Variants in WASHC3 observed in about 807,000 individuals in gnomAD.
WASHC3 encodes the protein WASH complex subunit 3, also known as WASH complex subunit CCDC53.
Under a neutral mutation model 26.1 loss-of-function variants are expected in WASHC3, and 24 were observed. The observed-to-expected ratio is 0.92, with a 90% CI of 0.66 to 1.29. The LOEUF is 1.29. Among genes scored for constraint, WASHC3 ranks in the 50% most tolerant of loss-of-function variants. WASHC3 has a pLI of 0.00. For missense variants in WASHC3, 214 were observed against 229.6 expected (o/e 0.93, Z 0.44); for synonymous variants, 77 against 75.7 (o/e 1.02, Z -0.09).
chr12:102,030,199 G>A (rs1452364729), intron 5 of WASHC3, among the ~76,000 whole-genome samples: 1 of 151,358 alleles, frequency 6.6e-6, no homozygotes, highest in Non-Finnish European at 1.5e-5. Flanking sequence ...GGAGGCTGAG[G>A]TAGGAGAATC....
At chr12:102,038,224 C>T (rs893327157) in intron 5 of WASHC3, among the ~76,000 whole-genome samples, 5 of 152,168 alleles carry the variant, frequency 3.3e-5, no homozygotes, top group East Asian at 1.9e-4. Context: ...CTAGATAATA[C>T]CTAATACAGT....
At chr12:102,033,320 A>G (rs1375179241) in intron 5 of WASHC3, among the ~76,000 whole-genome samples, 1 of 152,202 alleles carries the variant, frequency 6.6e-6, no homozygotes, top group Non-Finnish European at 1.5e-5. Flanking sequence ...TCTATGCTAC[A>G]GAAGAAGCTG....
chr12:102,039,981 G>A lies in WASHC3; in HGVS notation c.325-3C>T. On this transcript the variant is annotated splice_region_variant and splice_polypyrimidine_tract_variant and intron_variant, in intron 4 of 6. Transcript: ENST00000240079. The stretch of plus-strand genomic sequence containing the variant: ...CCAGAGTCTTGTGTACTGTTCTGCT[G>A]TAGAGAGTATTTGGTGTAAATCTTT... 7.0e-7 allele frequency: 1 copy of A among 1,418,758 alleles called. No homozygotes were observed. The highest frequency in any genetic ancestry group is 9.9e-7 in the Non-Finnish European group (1 of 1,011,540). 87.9% of individuals were successfully genotyped at this position (1,418,758 alleles called of 1,614,324 possible).
intron 3 of WASHC3, among the ~76,000 whole-genome samples, chr12:102,044,809 C>T (rs1878090040): frequency 6.6e-6 from 1 of 152,070 alleles, no homozygotes; most frequent in African/African-American, 2.4e-5. Context: ...GTTGGTATTT[C>T]AACCTGAAAT....
chr12:102,051,895 A>G (rs1878407363), intron 2 of WASHC3, among the ~76,000 whole-genome samples: 1 of 152,218 alleles, frequency 6.6e-6, no homozygotes, highest in African/African-American at 2.4e-5. Context: ...CACAATAAAT[A>G]TTAGTTGTTA....
At chr12:102,049,114 G>A (rs1852263587) in intron 2 of WASHC3, among the ~76,000 whole-genome samples, 1 of 152,170 alleles carries the variant, frequency 6.6e-6, no homozygotes, top group South Asian at 2.1e-4. Flanking sequence ...TTCAATGCTA[G>A]CTATATTGAC....
chr12:102,052,793 C>T (rs879486500), intron 2 of WASHC3, among the ~76,000 whole-genome samples: 1 of 152,078 alleles, frequency 6.6e-6, no homozygotes, highest in Non-Finnish European at 1.5e-5. Flanking sequence ...TAAACACAGG[C>T]TCCAGGACCA....
chr12:102,050,499 C>T (rs956845345), intron 2 of WASHC3: 3 of 431,772 alleles, frequency 6.9e-6, no homozygotes, highest in African/African-American at 2.1e-5. Context: ...CACAATTAGC[C>T]GGGTGTGGTG....
intron 5 of WASHC3, among the ~76,000 whole-genome samples, chr12:102,026,491 C>G (rs1877197523): frequency 6.6e-6 from 1 of 152,126 alleles, no homozygotes; most frequent in Admixed American, 6.5e-5. Context: ...GAGTCCAATT[C>G]CATTTGAACA....
rs73382837 is a variant in WASHC3, at chr12:102,024,185, T to A, written c.500+1789A>T. On this transcript the variant is annotated intron_variant, in intron 6 of 6. Transcript: ENST00000240079. ...AAAGAATCACAAGAGAGGAAGCTAG[T>A]GAGAGAATCTGAATCTTGATGATAA... 3.2e-3 allele frequency among the ~76,000 whole-genome samples: 486 copies of A among 152,284 alleles called. 2 individuals carry two copies. The highest frequency in any genetic ancestry group is 0.011 in the African/African-American group (453 of 41,552).
chr12:102,018,742 T>C (rs1311587410), intron 6 of WASHC3, among the ~76,000 whole-genome samples: 1 of 152,222 alleles, frequency 6.6e-6, no homozygotes, highest in Non-Finnish European at 1.5e-5. Flanking sequence ...AGTGTTGAGA[T>C]TACAGGCACG....
chr12:102,016,862 A>G (rs745919087), intron 6 of WASHC3, among the ~76,000 whole-genome samples: 2 of 152,244 alleles, frequency 1.3e-5, no homozygotes, highest in South Asian at 2.1e-4. Flanking sequence ...CAAAATAGTT[A>G]AAAAGGTAAA....
chr12:102,038,041 C>T (rs1471324030), intron 5 of WASHC3, among the ~76,000 whole-genome samples: 14 of 152,038 alleles, frequency 9.2e-5, no homozygotes, highest in Non-Finnish European at 1.8e-4. Flanking sequence ...GTGATCCGCC[C>T]GCCTCGGCCT....
At chr12:102,025,831 A>G (rs1877158801) in intron 6 of WASHC3, 143 bp downstream of exon 6, 1 of 618,934 alleles carries the variant, frequency 1.6e-6, no homozygotes, top group Admixed American at 3.2e-5. Flanking sequence ...TGGTAACATA[A>G]CAGACACACT....
At chr12:102,053,059 G>A (rs1478756717) in intron 2 of WASHC3, among the ~76,000 whole-genome samples, 2 of 151,638 alleles carry the variant, frequency 1.3e-5, no homozygotes, top group Non-Finnish European at 2.9e-5. Context: ...GGCCCCCATG[G>A]ACGGAGGCTG....
intron 5 of WASHC3, among the ~76,000 whole-genome samples, chr12:102,038,854 A>G (rs1877793124): frequency 6.6e-6 from 1 of 152,166 alleles, no homozygotes; most frequent in South Asian, 2.1e-4. Context: ...TTAAATTACT[A>G]GGTGATAAAC....
intron 4 of WASHC3, among the ~76,000 whole-genome samples, chr12:102,042,669 G>A (rs1877988048): frequency 6.6e-6 from 1 of 152,172 alleles, no homozygotes; most frequent in African/African-American, 2.4e-5. Context: ...ACTTAGAAAC[G>A]TGCATGCCTT....
chr12:102,029,933 A>G (rs2121365780), intron 5 of WASHC3, among the ~76,000 whole-genome samples: 1 of 152,246 alleles, frequency 6.6e-6, no homozygotes, highest in South Asian at 2.1e-4. Context: ...CTTTTACTTA[A>G]AATTTAACTT....
At chr12:102,027,538 C>CATTAA (rs746859886) in intron 5 of WASHC3, among the ~76,000 whole-genome samples, 1 of 151,980 alleles carries the variant, frequency 6.6e-6, no homozygotes, top group Admixed American at 6.6e-5. Flanking sequence ...TAAGTTAAAT[C>CATTAA]ATTAAATTTA....
Sources: allele counts gnomAD v4.1 joint callset (sites outside exome capture counted in the v4.1 genomes callset), GRCh38; gene constraint gnomAD v4.1.1; transcripts MANE v1.5; gene names NCBI Gene and HGNC (gene_info 2026-07-23, HGNC 2026-07-21).